The following FGF8 variants were observed in gnomAD, a reference collection of about 807,000 sequenced individuals.
FGF8 encodes androgen-induced growth factor.
Under a neutral mutation model 29.7 loss-of-function variants are expected in FGF8, and 12 were observed. The observed-to-expected ratio is 0.40, with a 90% CI of 0.26 to 0.65. The LOEUF (loss-of-function observed/expected upper bound fraction) is 0.65. Among genes scored for constraint, FGF8 ranks in the 30% least tolerant of loss-of-function variants. The pLI is 0.37. For missense variants in FGF8, 271 were observed against 345.1 expected, an observed-to-expected ratio of 0.79 and a Z score of 1.70; for synonymous variants, 157 against 144.4, an observed-to-expected ratio of 1.09 and a Z score of -0.63.
At position 101,775,571 on chromosome 10, in the gene FGF8, C is replaced by T; in HGVS notation, c.69+169G>A. The T allele has an allele frequency of 2.8e-6, 2 of 704,958 alleles. No individual in the cohort carries two copies. The highest frequency in any genetic ancestry group is 2.7e-5 in the East Asian group (1 of 36,686). 43.7% of individuals were successfully genotyped at this position (704,958 alleles called of 1,614,324 possible). A position where few individuals can be genotyped will look rare whatever the true frequency, so the allele number is the denominator to read the frequency against. On this transcript the variant is annotated intron_variant, in intron 2 of 5. Transcript: ENST00000320185. This position sits in a 1 kb window ranked among gnomAD's most constrained non-coding sequence, Gnocchi z 4.6. The stretch of plus-strand genomic sequence containing the variant: ...TGTGTGACCTCAGGAGGGGTGCTAC[C>T]TCTCTGTGCCTCAGCTCCCTCCTCG...
At position 101,775,494 on chromosome 10, in the gene FGF8, G is replaced by A; in HGVS notation, c.69+246C>T. 1.6e-6 allele frequency: 1 copy of A among 606,234 alleles called. No individual in the cohort carries two copies. Among genetic ancestry groups the A allele is most frequent in the South Asian group, 2.0e-5 (1 of 50,710 alleles). The allele number at this position is 606,234 out of a possible 1,614,324, so 37.6% of individuals were successfully genotyped here. ...GCCCCCAGCCGGCGAGGATGCATGG[G>A]GGACAGTGCTGGGCTCCGAGACCTT... On this transcript the variant is annotated intron_variant, in intron 2 of 5. Coordinates refer to ENST00000320185, the MANE Select transcript of FGF8 (RefSeq NM_033163.5). The surrounding 1 kb of genome is among the most constrained non-coding windows in gnomAD (Gnocchi z 4.6).
Position 101,770,109 on chromosome 10 carries a change from T to G in FGF8, c.*220A>C, listed in dbSNP as rs1260103956. The G allele has an allele frequency of 1.5e-5, 7 of 477,980 alleles. No individual in the cohort carries two copies. Among genetic ancestry groups the G allele is most frequent in the East Asian group, 3.3e-5 (1 of 30,078 alleles). The allele number at this position is 477,980 out of a possible 1,614,324, so 29.6% of individuals were successfully genotyped here. On this transcript the variant is annotated 3_prime_UTR_variant, in exon 6 of 6. Transcript: ENST00000320185. ...TAAGAAGACAGACACCACAGCCAAG[T>G]GGAATACAAAAATAGAGCCTCTCTT...
At position 101,770,227 on chromosome 10, in the gene FGF8, C is replaced by T; in HGVS notation, c.*102G>A. ...AACCCAGGGCTCCCCCAGCACCTCCCCAGCCTGCAGAGCAGCGCACAGCTC... is the reference window on the plus strand; with the variant it reads ...AACCCAGGGCTCCCCCAGCACCTCCTCAGCCTGCAGAGCAGCGCACAGCTC... On this transcript the variant is annotated 3_prime_UTR_variant, in exon 6 of 6. Coordinates refer to ENST00000320185, the MANE Select transcript of FGF8 (RefSeq NM_033163.5). 1 of 1,202,576 alleles carries T rather than the reference C, an allele frequency of 8.3e-7. No homozygotes were observed. The highest frequency in any genetic ancestry group is 1.1e-6 in the Non-Finnish European group (1 of 878,024). 74.5% of individuals were successfully genotyped at this position (1,202,576 alleles called of 1,614,324 possible).
chr10:101,774,308 G>A (rs1265680180), intron 4 of FGF8, among the ~76,000 whole-genome samples: 2 of 152,180 alleles, frequency 1.3e-5, no homozygotes, highest in Non-Finnish European at 2.9e-5. Context: ...AAGTATTTAA[G>A]GGTTCCCAGC....
chr10:101,779,437 A>C (rs2065125193), upstream of FGF8, among the ~76,000 whole-genome samples: 1 of 152,240 alleles, frequency 6.6e-6, no homozygotes, highest in Admixed American at 6.5e-5. This position sits in a 1 kb window ranked among gnomAD's most constrained non-coding sequence, Gnocchi z 5.7. Flanking sequence ...CTGTGCGCTG[A>C]AGGGCAAAGA....
upstream of FGF8, among the ~76,000 whole-genome samples, chr10:101,779,803 G>C (rs1350420685): frequency 6.6e-6 from 1 of 152,244 alleles, no homozygotes; most frequent in Non-Finnish European, 1.5e-5. This position sits in a 1 kb window ranked among gnomAD's most constrained non-coding sequence, Gnocchi z 5.7. Flanking sequence ...TTGGAGGCTG[G>C]GGCCAAGAAG....
Position 101,775,065 on chromosome 10 carries a change from C to T in FGF8, c.156+65G>A. 1.3e-6 allele frequency: 2 copies of T among 1,508,590 alleles called. No individual in the cohort carries two copies. Among genetic ancestry groups the T allele is most frequent in the Non-Finnish European group, 1.8e-6 (2 of 1,109,146 alleles). The allele number at this position is 1,508,590 out of a possible 1,614,324, so 93.5% of individuals were successfully genotyped here. ...ACATGCCAGCCCAGGCCACCATCCC[C>T]CACCCACGCAAGTCGGGCAGACCCA... is the stretch of plus-strand genomic sequence containing the variant. On this transcript the variant is annotated intron_variant, in intron 3 of 5. Coordinates refer to ENST00000320185, the MANE Select transcript of FGF8 (RefSeq NM_033163.5). This position sits in a 1 kb window ranked among gnomAD's most constrained non-coding sequence, Gnocchi z 4.6.
chr10:101,779,904 A>C (rs1312491344), upstream of FGF8, among the ~76,000 whole-genome samples: 3 of 152,276 alleles, frequency 2.0e-5, no homozygotes, highest in Non-Finnish European at 4.4e-5. This position sits in a 1 kb window ranked among gnomAD's most constrained non-coding sequence, Gnocchi z 5.7. Flanking sequence ...GCACGCATGC[A>C]TGCAAGCCTC....
upstream of FGF8, chr10:101,780,211 T>C (rs1281487849): frequency 6.6e-6 from 1 of 152,196 alleles, no homozygotes; most frequent in Non-Finnish European, 1.5e-5. Flanking sequence ...GCGACCCAGA[T>C]CACCGCAACA....
chr10:101,775,806 G>A lies in FGF8; in HGVS notation c.33-30C>T. ...GGGAGACAAAAGCGGGCGGGAGAGA[G>A]AGGCGCGGGTGAGGCGAGGGGCGCG... On this transcript the variant is annotated intron_variant, in intron 1 of 5. Coordinates refer to ENST00000320185, the MANE Select transcript of FGF8 (RefSeq NM_033163.5). The surrounding 1 kb of genome is among the most constrained non-coding windows in gnomAD (Gnocchi z 4.6). 2.6e-6 allele frequency: 4 copies of A among 1,539,048 alleles called. No individual in the cohort carries two copies. Among genetic ancestry groups the A allele is most frequent in the Non-Finnish European group, 2.6e-6 (3 of 1,143,808 alleles).
In FGF8 at chr10:101,775,010, A is replaced by C; in HGVS notation, c.157-98T>G. 1.3e-6 allele frequency: 2 copies of C among 1,522,038 alleles called. No homozygotes were observed. Among genetic ancestry groups the C allele is most frequent in the Non-Finnish European group, 1.8e-6 (2 of 1,110,684 alleles). 94.3% of individuals were successfully genotyped at this position (1,522,038 alleles called of 1,614,324 possible). ...ACCCTGCGTCCCCCTCACTGCCCCA[A>C]GCCGCCAGCAGGTGCTGGGGGTTCC... On this transcript the variant is annotated intron_variant, in intron 3 of 5. Transcript: ENST00000320185. The surrounding 1 kb of genome is among the most constrained non-coding windows in gnomAD (Gnocchi z 4.6).
chr10:101,776,392 G>A (rs1211629499), upstream of FGF8, among the ~76,000 whole-genome samples: 4 of 151,000 alleles, frequency 2.6e-5, no homozygotes, highest in Non-Finnish European at 4.5e-5. Flanking sequence ...GGGGCGGCCG[G>A]TCTGGGCGCC....
At chr10:101,777,170 T>A (rs2065105795), upstream of FGF8, among the ~76,000 whole-genome samples, 1 of 152,176 alleles carries the variant, frequency 6.6e-6, no homozygotes, top group South Asian at 2.1e-4. Flanking sequence ...TAGGCACTTG[T>A]CTAAGCCTTT....
intron 5 of FGF8, 37 bp from the exon 6 acceptor site, chr10:101,770,656 C>A (rs372994948): frequency 2.6e-5 from 41 of 1,600,902 alleles, no homozygotes; most frequent in Middle Eastern, 1.6e-4. Context: ...GTTACAGAGC[C>A]CCCCCAGCAG....
upstream of FGF8, among the ~76,000 whole-genome samples, chr10:101,779,489 A>G (rs560866956): frequency 6.6e-6 from 1 of 152,162 alleles, no homozygotes; most frequent in South Asian, 2.1e-4. The surrounding 1 kb of genome is among the most constrained non-coding windows in gnomAD (Gnocchi z 5.7). Flanking sequence ...AGAGGAATAA[A>G]CCTTGCCCAG....
Position 101,775,549 on chromosome 10 carries a change from G to T in FGF8, c.69+191C>A. 1 of 637,588 alleles carries T rather than the reference G, an allele frequency of 1.6e-6. No individual in the cohort carries two copies. The highest frequency in any genetic ancestry group is 2.7e-6 in the Non-Finnish European group (1 of 368,230). The allele number at this position is 637,588 out of a possible 1,614,324, so 39.5% of individuals were successfully genotyped here. On this transcript the variant is annotated intron_variant, in intron 2 of 5. Coordinates refer to ENST00000320185, the MANE Select transcript of FGF8 (RefSeq NM_033163.5). The surrounding 1 kb of genome is among the most constrained non-coding windows in gnomAD (Gnocchi z 4.6). ...TCTATCCTGGCCACTCACTCGCTGT[G>T]TGACCTCAGGAGGGGTGCTACCTCT...
upstream of FGF8, among the ~76,000 whole-genome samples, chr10:101,778,527 T>G (rs2065115212): frequency 1.3e-5 from 2 of 152,256 alleles, no homozygotes; most frequent in Admixed American, 1.3e-4. Flanking sequence ...ATGGGCGTCC[T>G]GGGATCTGAA....
In FGF8 at chr10:101,770,113, A is replaced by G. The variant is rs1445082080; in HGVS notation, c.*216T>C. On this transcript the variant is annotated 3_prime_UTR_variant, in exon 6 of 6. Transcript: ENST00000320185. ...AAGACAGACACCACAGCCAAGTGGA[A>G]TACAAAAATAGAGCCTCTCTTTTGT... 2.8e-5 allele frequency: 15 copies of G among 534,930 alleles called. No individual in the cohort carries two copies. The highest frequency in any genetic ancestry group is 4.3e-5 in the Non-Finnish European group (13 of 305,754). The allele number at this position is 534,930 out of a possible 1,614,324, so 33.1% of individuals were successfully genotyped here.
At position 101,775,727 on chromosome 10, in the gene FGF8, C is replaced by A; in HGVS notation, c.69+13G>T. The stretch of plus-strand genomic sequence containing the variant: ...GGCGCGCCCGGCCCCCGCCTCCGCG[C>A]ACCCCTCCTCACCTGGGCTTGGAGG... On this transcript the variant is annotated intron_variant, in intron 2 of 5. Coordinates refer to ENST00000320185, the MANE Select transcript of FGF8 (RefSeq NM_033163.5). The surrounding 1 kb of genome is among the most constrained non-coding windows in gnomAD (Gnocchi z 4.6). 6.5e-7 allele frequency: 1 copy of A among 1,544,088 alleles called. No individual in the cohort carries two copies. Among genetic ancestry groups the A allele is most frequent in the Non-Finnish European group, 8.7e-7 (1 of 1,145,512 alleles).
Sources: allele counts gnomAD v4.1 joint callset (sites outside exome capture counted in the v4.1 genomes callset), GRCh38; gene constraint gnomAD v4.1.1; non-coding constraint Gnocchi (gnomAD v3.1); transcripts MANE v1.5; gene names NCBI Gene and HGNC (gene_info 2026-07-23, HGNC 2026-07-21).